GRXCR1: variants seen among roughly 807,000 people sequenced by gnomAD.
GRXCR1 encodes glutaredoxin domain-containing cysteine-rich protein 1.
Under a neutral mutation model 27.3 loss-of-function variants are expected in GRXCR1, and 27 were observed. The observed-to-expected ratio is 0.99, with a 90% CI of 0.73 to 1.37. The LOEUF (loss-of-function observed/expected upper bound fraction) is 1.37. Ranked by LOEUF, GRXCR1 falls within the 40% of genes most tolerant of loss-of-function variation. The pLI, the probability that GRXCR1 is intolerant of heterozygous loss-of-function variation, is 0.00. For missense variants in GRXCR1, 379 were observed against 354.4 expected (o/e 1.07, Z -0.56); for synonymous variants, 122 against 131.1 (o/e 0.93, Z 0.47).
rs187256940 is a variant in GRXCR1 at position 42,909,890 on chromosome 4, G to T, written c.384+16240G>T. The stretch of plus-strand genomic sequence containing the variant: ...AAGACTTGTGTAGGGTAGGAGGGAG[G>T]GATGAAGGCATTTTCAAGAGGGAAG... On this transcript the variant is annotated intron_variant, in intron 1 of 3. Transcript: ENST00000399770. 3.9e-5 allele frequency among the ~76,000 whole-genome samples: 6 copies of T among 152,220 alleles called. No individual in the cohort carries two copies. In the East Asian group the frequency reaches 1.2e-3, roughly 29 times the overall value.
intron 2 of GRXCR1, among the ~76,000 whole-genome samples, chr4:42,972,865 A>T (rs1748421707): frequency 6.6e-6 from 1 of 152,152 alleles, no homozygotes. Flanking sequence ...ACTCTTTAGC[A>T]GCATATTTAC....
intron 1 of GRXCR1, among the ~76,000 whole-genome samples, chr4:42,959,161 T>A (rs910025048): frequency 2.6e-5 from 4 of 151,984 alleles, no homozygotes; most frequent in Admixed American, 2.0e-4. Flanking sequence ...TGCCAAGATA[T>A]AGGTACAACC....
Position 42,935,922 on chromosome 4 carries a change from A to G in GRXCR1, c.385-26970A>G, listed in dbSNP as rs138445484. Among the ~76,000 whole-genome samples, 810 of 151,940 alleles carry G rather than the reference A, an allele frequency of 5.3e-3. 10 individuals are homozygous for G. The highest frequency in any genetic ancestry group is 0.018 in the African/African-American group (765 of 41,490). Reference sequence around the variant, plus strand: ...GTTCCAGTCTTTTACACTAAATAACACTGCTTTTTAAAAGGGGGGAATGTA... The same window carrying G: ...GTTCCAGTCTTTTACACTAAATAACGCTGCTTTTTAAAAGGGGGGAATGTA... On this transcript the variant is annotated intron_variant, in intron 1 of 3. Transcript: ENST00000399770.
intron 1 of GRXCR1, among the ~76,000 whole-genome samples, chr4:42,894,122 A>G (rs1006696207): frequency 3.9e-5 from 6 of 152,092 alleles, no homozygotes; most frequent in Admixed American, 2.6e-4. Context: ...AATAAAGACT[A>G]ACTTCGACTT....
At chr4:42,981,747 A>G (rs1748674964) in intron 2 of GRXCR1, among the ~76,000 whole-genome samples, 1 of 152,132 alleles carries the variant, frequency 6.6e-6, no homozygotes, top group African/African-American at 2.4e-5. Flanking sequence ...CTTTTAATGT[A>G]TCATCCCCAC....
At chr4:42,919,134 T>C (rs1216431112) in intron 1 of GRXCR1, among the ~76,000 whole-genome samples, 1 of 152,166 alleles carries the variant, frequency 6.6e-6, no homozygotes, top group Admixed American at 6.5e-5. Flanking sequence ...ATTAGTGTCA[T>C]CTTTTGAGAA....
chr4:43,012,110 GA>G (rs951881607), intron 2 of GRXCR1, among the ~76,000 whole-genome samples: 3 of 151,186 alleles, frequency 2.0e-5, no homozygotes, highest in African/African-American at 4.9e-5. Flanking sequence ...TTTCATCCCA[GA>G]AAAAAAAATT....
chr4:42,987,241 A>ATATTATATATAT (rs1276367661), intron 2 of GRXCR1, among the ~76,000 whole-genome samples: 5 of 66,466 alleles, frequency 7.5e-5, no homozygotes, highest in Non-Finnish European at 1.2e-4. Flanking sequence ...ATATATATAT[A>ATATTATATATAT]ATATATAATA....
At chr4:42,956,738 C>A (rs758109614) in intron 1 of GRXCR1, among the ~76,000 whole-genome samples, 20 of 152,062 alleles carry the variant, frequency 1.3e-4, no homozygotes, top group Non-Finnish European at 2.8e-4. Flanking sequence ...GACTACACAA[C>A]CCTGGGGGAA....
At chr4:42,903,368 G>C (rs1746510741) in intron 1 of GRXCR1, among the ~76,000 whole-genome samples, 1 of 128,636 alleles carries the variant, frequency 7.8e-6, no homozygotes, top group African/African-American at 2.9e-5. Context: ...CTGGAGTGCA[G>C]TGGCATGATC....
chr4:42,932,284 C>T (rs2109757136), intron 1 of GRXCR1, among the ~76,000 whole-genome samples: 1 of 151,838 alleles, frequency 6.6e-6, no homozygotes, highest in African/African-American at 2.4e-5. Context: ...GGATTCCTTC[C>T]TTGGCCCCTG....
At chr4:42,935,397 T>C (rs1429991372) in intron 1 of GRXCR1, among the ~76,000 whole-genome samples, 1 of 151,796 alleles carries the variant, frequency 6.6e-6, no homozygotes, top group Admixed American at 6.6e-5. Flanking sequence ...AAAGTTAGTA[T>C]TACAGACAGA....
intron 3 of GRXCR1, among the ~76,000 whole-genome samples, chr4:43,029,016 G>T (rs570656680): frequency 7.2e-5 from 11 of 152,226 alleles, no homozygotes; most frequent in African/African-American, 2.4e-4. Flanking sequence ...AGTGAATCCT[G>T]CTATATACAG....
chr4:42,984,673 G>A (rs771019894), intron 2 of GRXCR1, among the ~76,000 whole-genome samples: 3 of 152,194 alleles, frequency 2.0e-5, no homozygotes, highest in Non-Finnish European at 2.9e-5. Context: ...GACTGGCTTG[G>A]TGCTGGGGTG....
intron 1 of GRXCR1, among the ~76,000 whole-genome samples, chr4:42,908,456 G>T (rs927621496): frequency 2.0e-5 from 3 of 152,188 alleles, no homozygotes; most frequent in African/African-American, 7.2e-5. Context: ...GCTGGCCAGA[G>T]ACTCCAGATG....
At chr4:42,947,786 A>T (rs2109766856) in intron 1 of GRXCR1, among the ~76,000 whole-genome samples, 1 of 152,314 alleles carries the variant, frequency 6.6e-6, no homozygotes, top group South Asian at 2.1e-4. Context: ...TTGTTTTCAA[A>T]AGCTGCATTT....
intron 2 of GRXCR1, among the ~76,000 whole-genome samples, chr4:42,978,900 G>C (rs1014626393): frequency 6.6e-6 from 1 of 151,970 alleles, no homozygotes; most frequent in Non-Finnish European, 1.5e-5. Context: ...TTTTGTGATA[G>C]TGAGTGAGTT....
At chr4:42,934,148 T>C (rs1048527661) in intron 1 of GRXCR1, among the ~76,000 whole-genome samples, 3 of 151,718 alleles carry the variant, frequency 2.0e-5, no homozygotes, top group Non-Finnish European at 4.4e-5. Flanking sequence ...TGAGATCTCA[T>C]AGAACACAGG....
intron 1 of GRXCR1, among the ~76,000 whole-genome samples, chr4:42,897,022 CTCTA>C (rs984774062): frequency 2.6e-4 from 40 of 152,136 alleles, no homozygotes; most frequent in African/African-American, 8.9e-4. Context: ...CTTAGAATAT[CTCTA>C]TCTAGATACA....
Sources: gnomAD v4.1 joint callset for allele counts (sites outside exome capture counted in the v4.1 genomes callset) on GRCh38, gnomAD v4.1.1 for gene constraint, MANE v1.5 for transcripts, NCBI Gene and HGNC (gene_info 2026-07-23, HGNC 2026-07-21) for gene names.